Variants in PDE7B observed in about 807,000 individuals in gnomAD.
The protein encoded by PDE7B is 3',5'-cyclic-AMP phosphodiesterase 7B.
In PDE7B, 29 loss-of-function variants were observed where a neutral mutation model predicts 56.2. The observed-to-expected ratio is 0.52, with a 90% CI of 0.38 to 0.70. The LOEUF (loss-of-function observed/expected upper bound fraction) is 0.70, where lower values mean the gene tolerates loss of function less well. Among genes scored for constraint, PDE7B ranks in the 30% least tolerant of loss-of-function variants. The pLI, the probability that PDE7B is intolerant of heterozygous loss-of-function variation, is 0.00. For missense variants in PDE7B, 490 were observed against 565.0 expected (o/e 0.87, Z 1.35); for synonymous variants, 197 against 196.9 (o/e 1.00, Z 0.00).
intron 2 of PDE7B, among the ~76,000 whole-genome samples, chr6:136,019,879 A>G (rs1024464822): frequency 3.3e-5 from 5 of 152,214 alleles, no homozygotes; most frequent in Non-Finnish European, 7.3e-5. Flanking sequence ...CATCTTTGTC[A>G]TCTTCAAGTT....
At chr6:135,908,950 T>A (rs1356875341) in intron 1 of PDE7B, among the ~76,000 whole-genome samples, 11 of 152,184 alleles carry the variant, frequency 7.2e-5, no homozygotes, top group Non-Finnish European at 1.2e-4. Context: ...CCTAGAAATA[T>A]TTGCCTTTTT....
At chr6:136,041,504 G>A (rs1240412074) in intron 2 of PDE7B, among the ~76,000 whole-genome samples, 1 of 152,200 alleles carries the variant, frequency 6.6e-6, no homozygotes, top group Admixed American at 6.5e-5. Flanking sequence ...ATGCTCTGCC[G>A]ACTGTTGGGT....
intron 1 of PDE7B, among the ~76,000 whole-genome samples, chr6:135,872,102 G>C (rs1775393622): frequency 6.6e-6 from 1 of 152,176 alleles, no homozygotes; most frequent in Non-Finnish European, 1.5e-5. Context: ...GCCTCAGTGA[G>C]TTGTCAAAAA....
chr6:136,060,720 A>T (rs747188927), intron 2 of PDE7B, among the ~76,000 whole-genome samples: 71 of 152,192 alleles, frequency 4.7e-4, no homozygotes, highest in Admixed American at 1.2e-3. Flanking sequence ...TAAAAACCTA[A>T]ATAAGAAGGC....
chr6:136,095,161 T>A (rs1777452781), intron 2 of PDE7B, among the ~76,000 whole-genome samples: 1 of 152,236 alleles, frequency 6.6e-6, no homozygotes, highest in Non-Finnish European at 1.5e-5. Context: ...TAAACCTGCA[T>A]GTTTCCCAAA....
At chr6:135,914,900 C>T (rs1776274418) in intron 1 of PDE7B, among the ~76,000 whole-genome samples, 1 of 151,490 alleles carries the variant, frequency 6.6e-6, no homozygotes, top group African/African-American at 2.4e-5. Flanking sequence ...CGAGACCAGC[C>T]TGACCAACAT....
At chr6:135,902,343 T>TC (rs1776017855) in intron 1 of PDE7B, among the ~76,000 whole-genome samples, 2 of 151,820 alleles carry the variant, frequency 1.3e-5, no homozygotes, top group South Asian at 2.1e-4. Flanking sequence ...TTTTTTTTTT[T>TC]TCTTTTTTTA....
At chr6:135,916,779 C>A (rs1773958018) in intron 1 of PDE7B, among the ~76,000 whole-genome samples, 1 of 152,060 alleles carries the variant, frequency 6.6e-6, no homozygotes, top group Non-Finnish European at 1.5e-5. Context: ...ATTCTACATA[C>A]AATTTCATTG....
rs1775691614 is a variant in PDE7B, at chr6:136,002,537, C to G, written c.82+55013C>G. Among the ~76,000 whole-genome samples, 4 of 152,056 alleles carry G rather than the reference C, an allele frequency of 2.6e-5. No individual in the cohort carries two copies. In the South Asian group the frequency reaches 8.3e-4, roughly 32 times the overall value. On this transcript the variant is annotated intron_variant, in intron 2 of 12. Coordinates refer to ENST00000308191, the MANE Select transcript of PDE7B (RefSeq NM_018945.4). The stretch of plus-strand genomic sequence containing the variant: ...CAAGCAAATGGAAAACAAAAAAAGG[C>G]AGGGGTTGCAATCCTAGTCTCTGAT...
At chr6:136,180,646 C>G (rs1779048284) in intron 10 of PDE7B, among the ~76,000 whole-genome samples, 1 of 152,158 alleles carries the variant, frequency 6.6e-6, no homozygotes, top group Non-Finnish European at 1.5e-5. Context: ...ATAGGGTCAT[C>G]ATTACTGACA....
chr6:136,186,720 A>T (rs1779151323), intron 11 of PDE7B, among the ~76,000 whole-genome samples: 1 of 152,172 alleles, frequency 6.6e-6, no homozygotes, highest in Non-Finnish European at 1.5e-5. Flanking sequence ...CATAACTTTT[A>T]TTTCATGTGA....
rs564594574 is a variant in PDE7B at position 136,181,457 on chromosome 6, T to G, written c.1045+134T>G. The G allele has an allele frequency of 9.3e-6, 6 of 643,154 alleles. No individual in the cohort carries two copies. In the South Asian group the frequency reaches 1.1e-4, roughly 12 times the overall value. The allele number at this position is 643,154 out of a possible 1,614,324, so 39.8% of individuals were successfully genotyped here. A position where few individuals can be genotyped will look rare whatever the true frequency, so the allele number is the denominator to read the frequency against. On this transcript the variant is annotated intron_variant, in intron 11 of 12. Transcript: ENST00000308191. The stretch of plus-strand genomic sequence containing the variant: ...ACTCTTGTTATCCTAACCTTTCTCT[T>G]TTACTCTCTTGGAACTCATCCAACC...
intron 2 of PDE7B, among the ~76,000 whole-genome samples, chr6:136,059,006 T>C (rs1360768868): frequency 6.6e-6 from 1 of 152,168 alleles, no homozygotes; most frequent in Non-Finnish European, 1.5e-5. Context: ...GATTATGTCT[T>C]TTTAGATGCA....
intron 2 of PDE7B, among the ~76,000 whole-genome samples, chr6:135,958,494 T>C (rs1774839970): frequency 6.6e-6 from 1 of 152,160 alleles, no homozygotes; most frequent in African/African-American, 2.4e-5. Context: ...AAACAAATTA[T>C]TAATATAGGT....
At chr6:136,142,753 A>G (rs1162329468) in intron 3 of PDE7B, among the ~76,000 whole-genome samples, 3 of 152,038 alleles carry the variant, frequency 2.0e-5, no homozygotes. Flanking sequence ...AGTCTTTTTT[A>G]TCAGAGACTA....
At chr6:136,080,492 G>A (rs1777189693) in intron 2 of PDE7B, among the ~76,000 whole-genome samples, 1 of 152,188 alleles carries the variant, frequency 6.6e-6, no homozygotes, top group Non-Finnish European at 1.5e-5. Flanking sequence ...CTAACAGCAT[G>A]AGAAGAGATT....
intron 3 of PDE7B, among the ~76,000 whole-genome samples, chr6:136,140,129 T>C (rs1778293204): frequency 6.6e-6 from 1 of 152,182 alleles, no homozygotes; most frequent in African/African-American, 2.4e-5. Context: ...CTTTAATCCA[T>C]CTTGAATTGA....
intron 12 of PDE7B, among the ~76,000 whole-genome samples, chr6:136,188,632 C>G (rs1279677077): frequency 1.3e-5 from 2 of 152,200 alleles, no homozygotes; most frequent in Admixed American, 1.3e-4. Flanking sequence ...TCACGTGGTT[C>G]AGCACACAAC....
intron 1 of PDE7B, among the ~76,000 whole-genome samples, chr6:135,887,622 T>C (rs1163422978): frequency 1.3e-5 from 2 of 152,146 alleles, no homozygotes; most frequent in Non-Finnish European, 2.9e-5. Context: ...CAAAGATTTG[T>C]CCTTAGTAGT....
Sources: allele counts gnomAD v4.1 joint callset (sites outside exome capture counted in the v4.1 genomes callset), GRCh38; gene constraint gnomAD v4.1.1; transcripts MANE v1.5; gene names NCBI Gene and HGNC (gene_info 2026-07-23, HGNC 2026-07-21).